OSBPL11: variants seen among roughly 807,000 people sequenced by gnomAD.
The protein encoded by OSBPL11 is oxysterol binding protein like 11, also known as oxysterol-binding protein-related protein 11.
OSBPL11 carries 33 observed loss-of-function variants against 84.4 expected under a neutral mutation model. The ratio of observed to expected loss-of-function variants is 0.39; its 90% CI spans 0.30 to 0.52. The LOEUF is 0.52. OSBPL11 is among the 20% of genes least tolerant of loss of function. The probability of loss-of-function intolerance (pLI) is 0.72; values close to 1 mark genes in which losing one functional copy is unlikely to be tolerated. For missense variants in OSBPL11, 736 were observed against 901.1 expected (o/e 0.82, Z 2.35); for synonymous variants, 276 against 310.2 (o/e 0.89, Z 1.16).
In OSBPL11 at chr3:125,579,934, A is replaced by G. The variant is rs1053119593; in HGVS notation, c.340T>C (p.Ser114Pro). 3 of 1,614,238 alleles carry G rather than the reference A, an allele frequency of 1.9e-6. No individual in the cohort carries two copies. Among genetic ancestry groups the G allele is most frequent in the Non-Finnish European group, 2.5e-6 (3 of 1,180,028 alleles). Residue 114 changes from serine to proline, a missense_variant, in exon 3 of 13, where the codon TCA (serine) becomes CCA (proline). Physicochemically the swap from Ser to Pro is moderately conservative, Grantham distance 74. Transcript: ENST00000296220. ...GTGTGAGAATCCTCATCACTGGGTG[A>G]TATTACAGCTCCTGCAAGCTGCAAA... Reference protein sequence around the residue: ...GTLQLAGAVISPSDEDSHTFT... With the variant: ...GTLQLAGAVIPPSDEDSHTFT...
chr3:125,544,531 A>T (rs1183137160), intron 10 of OSBPL11, among the ~76,000 whole-genome samples: 2 of 152,216 alleles, frequency 1.3e-5, no homozygotes, highest in African/African-American at 4.8e-5. Context: ...TAATATCTTA[A>T]CCATCAGGCA....
At chr3:125,538,763 G>GT (rs2107588200) in intron 10 of OSBPL11, 130 bp from the exon 11 acceptor site, 1 of 659,414 alleles carries the variant, frequency 1.5e-6, no homozygotes, top group East Asian at 2.8e-5. Context: ...CAATATGTCA[G>GT]TGCCAAAGTT....
At position 125,544,434 on chromosome 3, in the gene OSBPL11, C is replaced by T. The variant is rs115645327; in HGVS notation, c.1841+2972G>A. Among the ~76,000 whole-genome samples, 560 of 152,180 alleles carry T rather than the reference C, an allele frequency of 3.7e-3. 3 individuals carry two copies. Among genetic ancestry groups the T allele is most frequent in the Non-Finnish European group, 5.8e-3 (396 of 68,020 alleles). Reference sequence around the variant, plus strand: ...AACAGTTATATAAATGTTGCCAAAACCAAAGTTAAATATTCAAAAATAAGA... The same window carrying T: ...AACAGTTATATAAATGTTGCCAAAATCAAAGTTAAATATTCAAAAATAAGA... On this transcript the variant is annotated intron_variant, in intron 10 of 12. Transcript: ENST00000296220.
chr3:125,587,024 A>C (rs775267508), intron 1 of OSBPL11, among the ~76,000 whole-genome samples: 1 of 152,224 alleles, frequency 6.6e-6, no homozygotes, highest in Non-Finnish European at 1.5e-5. Context: ...CTATAATCTA[A>C]TCTAAGAGAA....
intron 10 of OSBPL11, among the ~76,000 whole-genome samples, chr3:125,540,326 C>T (rs1184084877): frequency 1.8e-5 from 1 of 56,574 alleles, no homozygotes; most frequent in Non-Finnish European, 2.9e-5. Flanking sequence ...ATGGCTCTGT[C>T]TCAAAAAAAA....
At chr3:125,581,513 C>T (rs938493765) in intron 2 of OSBPL11, among the ~76,000 whole-genome samples, 2 of 150,818 alleles carry the variant, frequency 1.3e-5, no homozygotes, top group South Asian at 2.1e-4. Context: ...CTGGGCAACA[C>T]GGTGAAACCC....
At chr3:125,569,660 T>C (rs1236655358) in intron 5 of OSBPL11, among the ~76,000 whole-genome samples, 1 of 152,222 alleles carries the variant, frequency 6.6e-6, no homozygotes, top group Non-Finnish European at 1.5e-5. Context: ...TATACATGCA[T>C]ATGTTCAGCA....
intron 1 of OSBPL11, among the ~76,000 whole-genome samples, chr3:125,585,990 A>C (rs1936504391): frequency 6.6e-6 from 1 of 152,152 alleles, no homozygotes; most frequent in Non-Finnish European, 1.5e-5. Context: ...TAATCTCAAC[A>C]CTTTGGGAGG....
At chr3:125,579,099 C>A in intron 3 of OSBPL11, 60 bp from the exon 4 acceptor site, 1 of 1,219,832 alleles carries the variant, frequency 8.2e-7, no homozygotes, top group South Asian at 1.4e-5. Context: ...AATTAATTGC[C>A]TACAGTATGA....
In OSBPL11 at chr3:125,529,111, T is replaced by C. The variant is rs752009299; in HGVS notation, c.*1404A>G. On this transcript the variant is annotated 3_prime_UTR_variant, in exon 13 of 13. Transcript: ENST00000296220. ...ACAAAGCTTAAACTTCTTATGATGA[T>C]GCAACAGACACAGCCACCTACAATG... 5.2e-5 allele frequency: 8 copies of C among 152,654 alleles called. No homozygotes were observed. Among genetic ancestry groups the C allele is most frequent in the African/African-American group, 1.7e-4 (7 of 41,448 alleles). The allele number at this position is 152,654 out of a possible 1,614,324, so 9.5% of individuals were successfully genotyped here.
Position 125,546,993 on chromosome 3 carries a change from G to A in OSBPL11, c.1841+413C>T, listed in dbSNP as rs1046956117. On this transcript the variant is annotated intron_variant, in intron 10 of 12. Transcript: ENST00000296220. ...AGTTGCTTCCACCTAAGCATCTAAT[G>A]AAGCACATACACTGGCTTTAATCAT... Among the ~76,000 whole-genome samples, 3 of 152,064 alleles carry A rather than the reference G, an allele frequency of 2.0e-5. No homozygotes were observed. The South Asian group carries it at 6.2e-4, about 32-fold the overall frequency.
At chr3:125,585,510 T>A (rs947243808) in intron 1 of OSBPL11, among the ~76,000 whole-genome samples, 4 of 148,214 alleles carry the variant, frequency 2.7e-5, no homozygotes, top group African/African-American at 1.0e-4. Flanking sequence ...TTTTGCTGAT[T>A]CATATATCTA....
intron 1 of OSBPL11, 74 bp downstream of exon 1, chr3:125,594,563 T>A: frequency 2.0e-6 from 3 of 1,515,046 alleles, no homozygotes; most frequent in Non-Finnish European, 2.7e-6. Context: ...TTTCAACAAT[T>A]GCGGGATGCA....
chr3:125,559,947 TAAAAAATAAAAATCAC>T (rs1559841100), intron 8 of OSBPL11, among the ~76,000 whole-genome samples: 1 of 150,160 alleles, frequency 6.7e-6, no homozygotes, highest in Non-Finnish European at 1.5e-5. Flanking sequence ...AAAAAAATCA[TAAAAAATAAAAATCAC>T]AAAAAATAAA....
At chr3:125,577,470 C>A (rs903685689) in intron 4 of OSBPL11, among the ~76,000 whole-genome samples, 19 of 152,234 alleles carry the variant, frequency 1.2e-4, no homozygotes, top group Admixed American at 1.2e-3. Flanking sequence ...CACTTCATAT[C>A]CACTAAGATA....
chr3:125,548,532 C>T (rs906257918), intron 9 of OSBPL11, among the ~76,000 whole-genome samples: 13 of 151,606 alleles, frequency 8.6e-5, no homozygotes, highest in African/African-American at 2.9e-4. Context: ...TTAAGTGATG[C>T]TAATTAAAGA....
At chr3:125,557,683 G>C (rs1936011452) in intron 8 of OSBPL11, among the ~76,000 whole-genome samples, 1 of 151,658 alleles carries the variant, frequency 6.6e-6, no homozygotes, top group Non-Finnish European at 1.5e-5. Flanking sequence ...CAGCCACCAG[G>C]CTCTTTAATA....
chr3:125,531,884 T>C lies in OSBPL11; in HGVS notation c.2155A>G (p.Lys719Glu). 1.2e-6 allele frequency: 2 copies of C among 1,612,194 alleles called. No individual in the cohort carries two copies. Among genetic ancestry groups the C allele is most frequent in the Non-Finnish European group, 1.7e-6 (2 of 1,179,580 alleles). The change falls in exon 12 of 13, where the codon AAA becomes GAA. Residue 719 changes from lysine to glutamate, a missense_variant. By Grantham distance (56) the Lys-to-Glu change is moderately conservative (BLOSUM62 1). Coordinates refer to ENST00000296220, the MANE Select transcript of OSBPL11 (RefSeq NM_022776.5). ...ACCTCTTTAATAAAATATTTGGTTT[T>C]CCAAGGTGTGCCTGTTTCAGTACGA... is the stretch of plus-strand genomic sequence containing the variant. ...RHRTETGTPW[K>E]TKYFIKEGDG...
At chr3:125,562,795 G>A (rs573115217) in intron 7 of OSBPL11, among the ~76,000 whole-genome samples, 37 of 152,150 alleles carry the variant, frequency 2.4e-4, no homozygotes, top group African/African-American at 8.7e-4. Flanking sequence ...GCATGGTGGC[G>A]CATGCCTGTA....
Sources: gnomAD v4.1 joint callset for allele counts (sites outside exome capture counted in the v4.1 genomes callset) on GRCh38, gnomAD v4.1.1 for gene constraint, MANE v1.5 for transcripts, NCBI Gene and HGNC (gene_info 2026-07-23, HGNC 2026-07-21) for gene names.